The following RNLS variants were observed in gnomAD, a reference collection of about 807,000 sequenced individuals.
RNLS encodes renalase, FAD dependent amine oxidase.
In RNLS, 39 loss-of-function variants were observed where a neutral mutation model predicts 39.8. The observed-to-expected ratio is 0.98, with a 90% CI of 0.76 to 1.28. The LOEUF is 1.28. Among genes scored for constraint, RNLS ranks in the 50% most tolerant of loss-of-function variants. The pLI is 0.00. For synonymous variants in RNLS, 147 were observed against 150.7 expected (o/e 0.98, Z 0.18); for missense variants, 410 against 413.3 (o/e 0.99, Z 0.07).
intron 5 of RNLS, among the ~76,000 whole-genome samples, chr10:88,320,163 A>C (rs1435337991): frequency 6.6e-6 from 1 of 152,074 alleles, no homozygotes; most frequent in Non-Finnish European, 1.5e-5. Flanking sequence ...AAAAAAAAAA[A>C]AAGTCAGCCA....
At chr10:88,379,892 G>A (rs57949777) in intron 4 of RNLS, among the ~76,000 whole-genome samples, 1 of 152,068 alleles carries the variant, frequency 6.6e-6, no homozygotes, top group Non-Finnish European at 1.5e-5. Context: ...CAACAGACTT[G>A]TGAGTGAAGA....
exon 7 of RNLS, chr10:88,273,870 C>T (rs923780618): frequency 6.6e-6 from 1 of 152,082 alleles, no homozygotes; most frequent in Non-Finnish European, 1.5e-5. Flanking sequence ...AATTACGTTT[C>T]ATTATAGTTT....
the RNLS span, among the ~76,000 whole-genome samples, chr10:88,195,774 T>A: frequency 6.6e-6 from 1 of 152,102 alleles, no homozygotes; most frequent in Non-Finnish European, 1.5e-5. Context: ...GACAGACCTA[T>A]CCAGTTTTTC....
chr10:88,446,462 A>G (rs1449005346), intron 4 of RNLS, among the ~76,000 whole-genome samples: 1 of 152,212 alleles, frequency 6.6e-6, no homozygotes, highest in Non-Finnish European at 1.5e-5. Context: ...AATAACTAAG[A>G]TCAGAGCAGA....
At chr10:88,399,232 A>G (rs1852757503) in intron 4 of RNLS, among the ~76,000 whole-genome samples, 1 of 152,068 alleles carries the variant, frequency 6.6e-6, no homozygotes, top group South Asian at 2.1e-4. Flanking sequence ...TCAAAAAATT[A>G]TACATAGAGT....
At chr10:88,322,548 T>A (rs1482370538) in intron 5 of RNLS, among the ~76,000 whole-genome samples, 18 of 152,194 alleles carry the variant, frequency 1.2e-4, no homozygotes. Flanking sequence ...TGCTCTCTCA[T>A]GTGCTGCCAT....
rs1327056802 is a variant in RNLS at position 88,554,759 on chromosome 10, T to C, written c.526+18144A>G. Among the ~76,000 whole-genome samples, 5 of 152,274 alleles carry C rather than the reference T, an allele frequency of 3.3e-5. No homozygotes were observed. The South Asian group carries it at 8.3e-4, about 25-fold the overall frequency. ...ATCCTCTGTCTCTTATTCAAGACCA[T>C]GACTTCTGTAACTGTTCAATCTTGC... On this transcript the variant is annotated intron_variant, in intron 4 of 6. Transcript: ENST00000331772.
chr10:88,433,998 G>A (rs1035443756), intron 4 of RNLS, among the ~76,000 whole-genome samples: 1 of 152,106 alleles, frequency 6.6e-6, no homozygotes, highest in Admixed American at 6.6e-5. Context: ...GAGGCAGCCT[G>A]GTCTACCAGA....
chr10:88,372,216 G>A (rs1040469540), intron 4 of RNLS, among the ~76,000 whole-genome samples: 7 of 152,088 alleles, frequency 4.6e-5, no homozygotes, highest in Non-Finnish European at 7.4e-5. Context: ...TGTGTTACCA[G>A]TATTTGTGAT....
intron 5 of RNLS, among the ~76,000 whole-genome samples, chr10:88,342,290 A>C (rs898590028): frequency 6.6e-6 from 1 of 152,226 alleles, no homozygotes; most frequent in African/African-American, 2.4e-5. Flanking sequence ...GATTTGGGAC[A>C]TGCCTATTCA....
chr10:88,172,895 C>T, the RNLS span, among the ~76,000 whole-genome samples: 4 of 107,378 alleles, frequency 3.7e-5, no homozygotes, highest in African/African-American at 1.1e-4. Flanking sequence ...CTCGCTCTGT[C>T]GCCCAGGCTG....
chr10:88,523,230 C>T (rs1156485141), intron 4 of RNLS, among the ~76,000 whole-genome samples: 3 of 152,018 alleles, frequency 2.0e-5, no homozygotes, highest in Non-Finnish European at 4.4e-5. Context: ...ATCATAAAAA[C>T]GGTTTCCTTA....
intron 4 of RNLS, among the ~76,000 whole-genome samples, chr10:88,481,322 C>G (rs566450676): frequency 6.6e-6 from 1 of 152,268 alleles, no homozygotes; most frequent in East Asian, 1.9e-4. Context: ...ATTATCATGG[C>G]TGGACTTACA....
chr10:88,412,435 T>C (rs2133707935), intron 4 of RNLS, among the ~76,000 whole-genome samples: 1 of 152,174 alleles, frequency 6.6e-6, no homozygotes, highest in South Asian at 2.1e-4. Flanking sequence ...AAAGATGAGA[T>C]CTACACTAAT....
intron 4 of RNLS, among the ~76,000 whole-genome samples, chr10:88,471,942 C>T (rs1313886851): frequency 6.6e-6 from 1 of 151,774 alleles, no homozygotes; most frequent in Non-Finnish European, 1.5e-5. Context: ...CCTCCCCCTA[C>T]CTAAAAGAAA....
intron 4 of RNLS, among the ~76,000 whole-genome samples, chr10:88,485,642 CAA>C (rs11366047): frequency 0.013 from 1,333 of 104,850 alleles, 16 homozygotes; most frequent in African/African-American, 0.036. Flanking sequence ...AATGAAAAAC[CAA>C]AAAAAAAAAA....
At chr10:88,183,220 G>C in the RNLS span, among the ~76,000 whole-genome samples, 211 of 152,222 alleles carry the variant, frequency 1.4e-3, no homozygotes, top group African/African-American at 4.9e-3. Context: ...ATGTGGAAGA[G>C]AGAAAGACAT....
the RNLS span, among the ~76,000 whole-genome samples, chr10:88,210,544 C>T: frequency 6.6e-6 from 1 of 152,200 alleles, no homozygotes; most frequent in Non-Finnish European, 1.5e-5. Context: ...TGCAAACTGG[C>T]TGGGCATTTT....
intron 4 of RNLS, among the ~76,000 whole-genome samples, chr10:88,510,663 T>C (rs777763211): frequency 2.0e-5 from 3 of 151,728 alleles, no homozygotes; most frequent in Non-Finnish European, 2.9e-5. Context: ...GCCAACATGG[T>C]AAAATCCCGT....
Sources: allele counts gnomAD v4.1 joint callset (sites outside exome capture counted in the v4.1 genomes callset), GRCh38; gene constraint gnomAD v4.1.1; transcripts MANE v1.5; gene names NCBI Gene and HGNC (gene_info 2026-07-23, HGNC 2026-07-21).